ZNF280D: variants seen among roughly 807,000 people sequenced by gnomAD.
ZNF280D encodes zinc finger protein 280D, also known as suppressor of hairy wing homolog 4.
ZNF280D carries 39 observed loss-of-function variants against 94.7 expected under a neutral mutation model. The observed-to-expected ratio is 0.41, with a 90% confidence interval of 0.32 to 0.54. The LOEUF (loss-of-function observed/expected upper bound fraction) is 0.54. Among genes scored for constraint, ZNF280D ranks in the 20% least tolerant of loss-of-function variants. ZNF280D has a pLI of 0.22. For synonymous variants in ZNF280D, 398 were observed against 377.6 expected, an observed-to-expected ratio of 1.05 and a Z score of -0.63; for missense variants, 1,090 against 1,149.3, an observed-to-expected ratio of 0.95 and a Z score of 0.75.
intron 3 of ZNF280D, among the ~76,000 whole-genome samples, chr15:56,704,751 C>A (rs893863091): frequency 4.6e-5 from 7 of 152,104 alleles, no homozygotes; most frequent in African/African-American, 1.7e-4. Context: ...GAAGCCGAGA[C>A]AGACAGATTG....
At chr15:56,674,131 G>A (rs1383028032) in intron 13 of ZNF280D, among the ~76,000 whole-genome samples, 15 of 152,072 alleles carry the variant, frequency 9.9e-5, no homozygotes, top group Non-Finnish European at 2.1e-4. Context: ...TTTCTTAAAT[G>A]AATAGTGAGG....
At chr15:56,640,297 T>A (rs2052566480) in intron 20 of ZNF280D, among the ~76,000 whole-genome samples, 1 of 152,060 alleles carries the variant, frequency 6.6e-6, no homozygotes, top group Admixed American at 6.6e-5. Context: ...TTGTTTTGTT[T>A]TTTGTTTTTA....
intron 20 of ZNF280D, 83 bp from the exon 21 acceptor site, chr15:56,635,333 A>G: frequency 1.6e-6 from 1 of 615,186 alleles, no homozygotes. Context: ...TCTGGATAAA[A>G]GAAACAAGTG....
chr15:56,714,281 A>G (rs2057922642), intron 1 of ZNF280D, among the ~76,000 whole-genome samples: 1 of 152,170 alleles, frequency 6.6e-6, no homozygotes, highest in East Asian at 1.9e-4. Flanking sequence ...AAAATACGGG[A>G]TGATTATAGA....
intron 20 of ZNF280D, among the ~76,000 whole-genome samples, chr15:56,638,489 G>A (rs2052460138): frequency 6.6e-6 from 1 of 152,108 alleles, no homozygotes; most frequent in African/African-American, 2.4e-5. Context: ...GATTATTGAA[G>A]TACTGGGTGA....
intron 3 of ZNF280D, among the ~76,000 whole-genome samples, chr15:56,704,657 G>A (rs1206388356): frequency 1.3e-5 from 2 of 152,272 alleles, no homozygotes; most frequent in East Asian, 1.9e-4. Context: ...ACAGGTGGGA[G>A]ATAAACTGGA....
intron 6 of ZNF280D, chr15:56,698,785 C>A (rs7172110): frequency 0.24 from 36,288 of 152,138 alleles, 4,598 homozygotes; most frequent in Middle Eastern, 0.36. Context: ...ATTGGGAAGA[C>A]CTACGTGGCA....
At chr15:56,652,246 C>T (rs530150745) in intron 19 of ZNF280D, among the ~76,000 whole-genome samples, 10 of 152,202 alleles carry the variant, frequency 6.6e-5, no homozygotes, top group East Asian at 3.9e-4. Context: ...TCATCTAAAC[C>T]GGCCTGCCTA....
At chr15:56,700,850 G>T (rs1352314641) in intron 6 of ZNF280D, 83 bp downstream of exon 6, 3 of 1,609,142 alleles carry the variant, frequency 1.9e-6, no homozygotes, top group East Asian at 2.2e-5. Flanking sequence ...TGACAGTCCA[G>T]AATTGTAACT....
chr15:56,689,389 C>G lies in ZNF280D; in HGVS notation c.581G>C (p.Ser194Thr). 1.2e-6 allele frequency: 2 copies of G among 1,610,004 alleles called. No individual in the cohort carries two copies. The highest frequency in any genetic ancestry group is 1.7e-6 in the Non-Finnish European group (2 of 1,178,028). The stretch of plus-strand genomic sequence containing the variant: ...GGAATTTGCTCCAGAAACACTTTCG[C>G]TGGGTTTAGGCTTCTTTGGATTAAC... ...NNVNPKKPKP[S>T]ESVSGANSSA... is the part of the protein sequence containing the mutation. The change falls in exon 8 of 22, where the codon AGC becomes ACC. Residue 194 changes from serine (S) to threonine (T), a missense_variant. Transcript: ENST00000267807.
At position 56,677,715 on chromosome 15, in the gene ZNF280D, T is replaced by C. The variant is rs1044158671; in HGVS notation, c.1163-41A>G. 3 of 839,860 alleles carry C rather than the reference T, an allele frequency of 3.6e-6. No homozygotes were observed. In the East Asian group the frequency reaches 1.1e-4, roughly 31 times the overall value. 52.0% of individuals were successfully genotyped at this position (839,860 alleles called of 1,614,324 possible). A position where few individuals can be genotyped will look rare whatever the true frequency, so the allele number is the denominator to read the frequency against. On this transcript the variant is annotated intron_variant, in intron 11 of 21. Coordinates refer to ENST00000267807, the MANE Select transcript of ZNF280D (RefSeq NM_017661.4). ...AAACAGTATAATAATATTTAAGATA[T>C]TAATATAAAAATTAATTTTATACAT...
intron 1 of ZNF280D, among the ~76,000 whole-genome samples, chr15:56,721,460 G>T (rs550383262): frequency 6.6e-6 from 1 of 152,288 alleles, no homozygotes; most frequent in East Asian, 1.9e-4. Flanking sequence ...CCAATAAATA[G>T]AAGTCTATTT....
In ZNF280D at chr15:56,729,633, C is replaced by T. The variant is rs1251616428; in HGVS notation, c.-86+3825G>A. 5 of 152,240 alleles carry T rather than the reference C, an allele frequency of 3.3e-5. No homozygotes were observed. The East Asian group carries it at 9.6e-4, about 29-fold the overall frequency. 9.4% of individuals were successfully genotyped at this position (152,240 alleles called of 1,614,324 possible). A position where few individuals can be genotyped will look rare whatever the true frequency, so the allele number is the denominator to read the frequency against. On this transcript the variant is annotated intron_variant, in intron 1 of 21. Coordinates refer to ENST00000267807, the MANE Select transcript of ZNF280D (RefSeq NM_017661.4). ...AGATGGCTTATGACTGATATTAGTT[C>T]AGAGTATACTTTCATTGTACGGGAA...
intron 4 of ZNF280D, among the ~76,000 whole-genome samples, chr15:56,701,723 T>C (rs529738876): frequency 5.3e-5 from 8 of 152,232 alleles, no homozygotes; most frequent in Non-Finnish European, 1.0e-4. Flanking sequence ...AGCCTTGAAG[T>C]TGCATTACAG....
At chr15:56,732,360 C>T (rs2058933340) in intron 1 of ZNF280D, among the ~76,000 whole-genome samples, 1 of 152,168 alleles carries the variant, frequency 6.6e-6, no homozygotes, top group African/African-American at 2.4e-5. Flanking sequence ...GATGTTAAAA[C>T]ATCAGAGGCA....
chr15:56,719,811 T>C (rs79900993), intron 1 of ZNF280D, among the ~76,000 whole-genome samples: 4,004 of 148,154 alleles, frequency 0.027, 71 homozygotes, highest in Non-Finnish European at 0.041. Context: ...TTTACAACTA[T>C]AGTGTAGTCT....
chr15:56,733,480 G>C lies in ZNF280D; in HGVS notation c.-108C>G. 3 of 1,124,810 alleles carry C rather than the reference G, an allele frequency of 2.7e-6. No homozygotes were observed. The highest frequency in any genetic ancestry group is 3.3e-6 in the Non-Finnish European group (3 of 909,814). The allele number at this position is 1,124,810 out of a possible 1,614,324, so 69.7% of individuals were successfully genotyped here. On this transcript the variant is annotated 5_prime_UTR_variant, in exon 1 of 22. Coordinates refer to ENST00000267807, the MANE Select transcript of ZNF280D (RefSeq NM_017661.4). ...TACCGTGAGCGGAGCGGATCGGCCT[G>C]ACTGGAGCCCTGAGGAGGAGGAGAA...
intron 1 of ZNF280D, among the ~76,000 whole-genome samples, chr15:56,727,380 AC>A (rs1291988802): frequency 3.9e-5 from 6 of 152,034 alleles, no homozygotes; most frequent in Admixed American, 1.3e-4. Context: ...AATCACTTGA[AC>A]CCGGGAAGTG....
chr15:56,668,450 G>A (rs1233070933), intron 14 of ZNF280D, among the ~76,000 whole-genome samples: 1 of 152,064 alleles, frequency 6.6e-6, no homozygotes, highest in South Asian at 2.1e-4. Context: ...TGTACCAGAT[G>A]CTGGGGACAC....
Sources: gnomAD v4.1 joint callset for allele counts (sites outside exome capture counted in the v4.1 genomes callset) on GRCh38, gnomAD v4.1.1 for gene constraint, MANE v1.5 for transcripts, NCBI Gene and HGNC (gene_info 2026-07-23, HGNC 2026-07-21) for gene names.